The following NBPF11 variants were observed in gnomAD, a reference collection of about 807,000 sequenced individuals.
The protein encoded by NBPF11 is NBPF member 11.
In NBPF11, 72 loss-of-function variants were observed where a neutral mutation model predicts 93.9. That is an observed-to-expected ratio of 0.77 (90% CI 0.63 to 0.93). The LOEUF (loss-of-function observed/expected upper bound fraction) is 0.93. NBPF11 is among the 40% of genes least tolerant of loss of function. NBPF11 has a pLI of 0.00. For missense variants in NBPF11, 705 were observed against 802.2 expected (o/e 0.88, Z 1.46); for synonymous variants, 224 against 304.9 (o/e 0.73, Z 2.76).
intron 1 of NBPF11, among the ~76,000 whole-genome samples, chr1:148,145,193 TTTTC>T (rs1166145075): frequency 1.3e-4 from 17 of 134,450 alleles, no homozygotes; most frequent in East Asian, 5.0e-4. Flanking sequence ...TTGATTTCTT[TTTTC>T]TTTCTTTTTT....
chr1:148,149,712 G>A (rs1474361592), intron 1 of NBPF11: 23 of 596,790 alleles, frequency 3.9e-5, no homozygotes, highest in Middle Eastern at 4.4e-4. Flanking sequence ...CGATGTACAG[G>A]CAACAGAGCT....
chr1:148,132,140 G>GTC (rs1670454658), intron 4 of NBPF11, among the ~76,000 whole-genome samples: 1 of 142,336 alleles, frequency 7.0e-6, no homozygotes, highest in Non-Finnish European at 1.5e-5. Flanking sequence ...ATATGTGTGT[G>GTC]TGTGTATATA....
intron 11 of NBPF11, among the ~76,000 whole-genome samples, chr1:148,118,307 G>A (rs1221545719): frequency 1.3e-5 from 2 of 152,020 alleles, no homozygotes; most frequent in African/African-American, 4.8e-5. Flanking sequence ...GGGTGGTGAT[G>A]GCACACCATT....
chr1:148,105,733 C>CAA (rs1292410155), intron 21 of NBPF11, among the ~76,000 whole-genome samples: 2 of 99,660 alleles, frequency 2.0e-5, no homozygotes, highest in Non-Finnish European at 3.6e-5. Flanking sequence ...CACACACACA[C>CAA]ACACACACAC....
rs1369384427 is a variant in NBPF11, at chr1:148,149,610, G to T, written c.-549+2140C>A. 5.8e-5 allele frequency: 91 copies of T among 1,568,036 alleles called. 1 individual carries two copies. The Middle Eastern group carries it at 1.1e-3, about 20-fold the overall frequency. On this transcript the variant is annotated intron_variant, in intron 1 of 23. Transcript: ENST00000682118. The stretch of plus-strand genomic sequence containing the variant: ...GGACCTCAGCAATAAGGCGGCCCCC[G>T]GACCTCACCCCGCGCCGGCCCCCAC...
At chr1:148,125,851 T>C (rs1668984725) in intron 5 of NBPF11, among the ~76,000 whole-genome samples, 1 of 151,794 alleles carries the variant, frequency 6.6e-6, no homozygotes, top group African/African-American at 2.4e-5. Context: ...AGGCTGAGGG[T>C]CCCTGCTTTG....
chr1:148,110,103 G>C (rs1449012917), intron 16 of NBPF11, among the ~76,000 whole-genome samples: 2 of 151,842 alleles, frequency 1.3e-5, no homozygotes, highest in African/African-American at 4.9e-5. Context: ...AGTTTGGTGT[G>C]AGTTTGCCAC....
At position 148,103,867 on chromosome 1, in the gene NBPF11, C is replaced by G; in HGVS notation, c.*29G>C. ...TCGAATAATATCTATCCAGTGAGTC[C>G]TGTAAGACTTCAGGCACTTCCACTT... On this transcript the variant is annotated 3_prime_UTR_variant, in exon 24 of 24. Coordinates refer to ENST00000682118, the MANE Select transcript of NBPF11 (RefSeq NM_001385469.3). The G allele has an allele frequency of 4.3e-6, 7 of 1,611,270 alleles. No homozygotes were observed. The South Asian group carries it at 7.7e-5, about 18-fold the overall frequency.
chr1:148,110,204 C>A (rs1412017173), intron 16 of NBPF11, among the ~76,000 whole-genome samples, 174 bp downstream of exon 16: 4 of 151,818 alleles, frequency 2.6e-5, no homozygotes, highest in Non-Finnish European at 5.9e-5. Context: ...ACTGACCCAC[C>A]CCATGCCTGT....
chr1:148,146,099 G>T (rs1471316350), intron 1 of NBPF11, among the ~76,000 whole-genome samples: 3 of 151,890 alleles, frequency 2.0e-5, no homozygotes, highest in Non-Finnish European at 2.9e-5. Flanking sequence ...CGGACGCACG[G>T]GCGGGCGGCC....
At chr1:148,133,243 G>T (rs1670711357) in intron 4 of NBPF11, among the ~76,000 whole-genome samples, 1 of 151,620 alleles carries the variant, frequency 6.6e-6, no homozygotes, top group African/African-American at 2.4e-5. Context: ...TTCTAGCATT[G>T]TTAACAAACA....
At chr1:148,111,519 G>A (rs1176442223) in intron 15 of NBPF11, among the ~76,000 whole-genome samples, 3 of 151,778 alleles carry the variant, frequency 2.0e-5, no homozygotes, top group Non-Finnish European at 4.4e-5. Context: ...AAGATTAGAC[G>A]AATGGCTAAC....
chr1:148,148,212 G>T (rs1647244969), intron 1 of NBPF11, among the ~76,000 whole-genome samples: 1 of 152,252 alleles, frequency 6.6e-6, no homozygotes, highest in Admixed American at 6.5e-5. Flanking sequence ...CTGCCAGGAG[G>T]CTGGGATTCC....
chr1:148,140,748 C>T (rs1166237582), intron 2 of NBPF11, among the ~76,000 whole-genome samples: 2 of 151,860 alleles, frequency 1.3e-5, no homozygotes, highest in Non-Finnish European at 2.9e-5. Context: ...ACGGTGAACA[C>T]ACCAAATGCT....
intron 2 of NBPF11, among the ~76,000 whole-genome samples, chr1:148,141,429 C>G (rs1571491720): frequency 6.6e-6 from 1 of 152,060 alleles, no homozygotes; most frequent in African/African-American, 2.4e-5. Context: ...GTACTATCTA[C>G]TCCATTTTTC....
chr1:148,119,156 C>A (rs1283305125), intron 10 of NBPF11, among the ~76,000 whole-genome samples: 3 of 144,586 alleles, frequency 2.1e-5, no homozygotes, highest in Admixed American at 6.9e-5. Context: ...ATTTCAAGGA[C>A]AAGTATGTGA....
intron 3 of NBPF11, among the ~76,000 whole-genome samples, chr1:148,136,999 T>TG (rs1489893009): frequency 6.6e-6 from 1 of 151,804 alleles, no homozygotes; most frequent in African/African-American, 2.4e-5. Flanking sequence ...ACTTTGCAGA[T>TG]GGGGGAATGT....
rs1235711329 is a variant in NBPF11 at position 148,149,192 on chromosome 1, T to A, written c.-549+2558A>T. The stretch of plus-strand genomic sequence containing the variant: ...CATCAGCCCGGACAGCATCATCCTG[T>A]ACGGGCAGAGCATCGGCACGGTGCC... On this transcript the variant is annotated intron_variant, in intron 1 of 23. Coordinates refer to ENST00000682118, the MANE Select transcript of NBPF11 (RefSeq NM_001385469.3). The A allele has an allele frequency of 3.8e-6, 6 of 1,578,432 alleles. No homozygotes were observed. The East Asian group carries it at 1.4e-4, about 36-fold the overall frequency.
chr1:148,146,934 C>T (rs2149308529), intron 1 of NBPF11: 2 of 1,595,172 alleles, frequency 1.3e-6, no homozygotes, highest in East Asian at 2.3e-5. Flanking sequence ...GAGGGCGACC[C>T]TGGGGGCAGC....
Sources: allele counts gnomAD v4.1 joint callset (sites outside exome capture counted in the v4.1 genomes callset), GRCh38; gene constraint gnomAD v4.1.1; transcripts MANE v1.5; gene names NCBI Gene and HGNC (gene_info 2026-07-23, HGNC 2026-07-21).